TSC22D2: variants seen among roughly 807,000 people sequenced by gnomAD.
The protein encoded by TSC22D2 is TSC22 domain family protein 2.
Under a neutral mutation model 50.1 loss-of-function variants are expected in TSC22D2, and 5 were observed. The observed-to-expected ratio is 0.10, with a 90% CI of 0.05 to 0.21. The LOEUF is 0.21. TSC22D2 is among the 10% of genes least tolerant of loss of function. The probability of loss-of-function intolerance (pLI) is 1.00; values close to 1 mark genes in which losing one functional copy is unlikely to be tolerated. For synonymous variants in TSC22D2, 501 were observed against 450.1 expected, an observed-to-expected ratio of 1.11 and a Z score of -1.43; for missense variants, 1,003 against 1,015.5, an observed-to-expected ratio of 0.99 and a Z score of 0.17.
chr3:150,460,011 AAAAG>A lies in TSC22D2; in HGVS notation c.*1380_*1383del, dbSNP rs1371400838. ...ATGTACATTTCATAAATACAGTTTC[AAAAG>A]AAAGCATCATTTTGTGTATACTAAC... On this transcript the variant is annotated 3_prime_UTR_variant, in exon 3 of 3. Transcript: ENST00000688009. 1.3e-5 allele frequency: 2 copies of A among 152,168 alleles called. No individual in the cohort carries two copies. The highest frequency in any genetic ancestry group is 2.9e-5 in the Non-Finnish European group (2 of 68,016). The allele number at this position is 152,168 out of a possible 1,614,324, so 9.4% of individuals were successfully genotyped here. A position where few individuals can be genotyped will look rare whatever the true frequency, so the allele number is the denominator to read the frequency against.
In TSC22D2 at chr3:150,410,870, C is replaced by G; in HGVS notation, c.1520C>G (p.Pro507Arg). 1.2e-6 allele frequency: 2 copies of G among 1,613,890 alleles called. No individual in the cohort carries two copies. The highest frequency in any genetic ancestry group is 1.6e-4 in the Middle Eastern group (1 of 6,062). Residue 507 changes from proline (P) to arginine (R), a missense_variant, in exon 1 of 3, where the codon CCA becomes CGA. Coordinates refer to ENST00000688009, the MANE Select transcript of TSC22D2 (RefSeq NM_001303264.2). ...GGPHAVVPGV[P>R]NVPAAVPAPS... ...CCTCACGCCGTGGTGCCCGGAGTTC[C>G]AAACGTGCCTGCAGCCGTGCCCGCT...
In TSC22D2 at chr3:150,460,710, A is replaced by G. The variant is rs919397452; in HGVS notation, c.*2074A>G. ...CTTCACTGTTGGACTGTTAACCGAA[A>G]AGGTTTGCTGGCTGTGCCCCTCCAG... On this transcript the variant is annotated 3_prime_UTR_variant, in exon 3 of 3. Coordinates refer to ENST00000688009, the MANE Select transcript of TSC22D2 (RefSeq NM_001303264.2). 1.6e-5 allele frequency: 2 copies of G among 128,640 alleles called. No homozygotes were observed. The highest frequency in any genetic ancestry group is 7.4e-5 in the Admixed American group (1 of 13,594). The allele number at this position is 128,640 out of a possible 1,614,324, so 8.0% of individuals were successfully genotyped here.
At chr3:150,413,889 A>T (rs528102778) in intron 1 of TSC22D2, among the ~76,000 whole-genome samples, 58 of 27,608 alleles carry the variant, frequency 2.1e-3, no homozygotes, top group Middle Eastern at 0.019. Context: ...GCTTTTTTTA[A>T]AAAAAAATTA....
chr3:150,414,912 A>G (rs1719743568), intron 1 of TSC22D2, among the ~76,000 whole-genome samples: 1 of 150,314 alleles, frequency 6.7e-6, no homozygotes, highest in African/African-American at 2.5e-5. Context: ...TGTGAAGGTA[A>G]TTTTGCTCTT....
chr3:150,427,161 C>A (rs537831325), intron 1 of TSC22D2, among the ~76,000 whole-genome samples: 1 of 152,074 alleles, frequency 6.6e-6, no homozygotes, highest in Admixed American at 6.6e-5. Flanking sequence ...CTTAGCTGAT[C>A]TAGTTTTTGA....
intron 1 of TSC22D2, among the ~76,000 whole-genome samples, chr3:150,421,064 CAA>C (rs1207636008): frequency 5.3e-5 from 8 of 152,298 alleles, no homozygotes; most frequent in South Asian, 2.1e-4. Flanking sequence ...GCCTGAGCGA[CAA>C]GAGTGAAACT....
chr3:150,452,197 G>A (rs1361663492), intron 1 of TSC22D2, among the ~76,000 whole-genome samples: 1 of 152,172 alleles, frequency 6.6e-6, no homozygotes, highest in African/African-American at 2.4e-5. Flanking sequence ...TGTAATCCCA[G>A]CACTTTGGGA....
At chr3:150,441,864 A>G (rs1720727508) in intron 1 of TSC22D2, among the ~76,000 whole-genome samples, 1 of 152,174 alleles carries the variant, frequency 6.6e-6, no homozygotes, top group African/African-American at 2.4e-5. Context: ...TTTATGCTAT[A>G]GGAAGTCACC....
intron 1 of TSC22D2, among the ~76,000 whole-genome samples, chr3:150,425,440 T>C (rs925955851): frequency 3.3e-5 from 5 of 152,138 alleles, no homozygotes; most frequent in Non-Finnish European, 5.9e-5. Flanking sequence ...TGCTTAAACC[T>C]GGGAAGCGGA....
chr3:150,454,856 AAG>A (rs1721140042), intron 1 of TSC22D2, among the ~76,000 whole-genome samples: 1 of 152,192 alleles, frequency 6.6e-6, no homozygotes, highest in African/African-American at 2.4e-5. Flanking sequence ...GTTGTCATAA[AAG>A]AGATCTTAGG....
chr3:150,441,563 C>T (rs1482570321), intron 1 of TSC22D2, among the ~76,000 whole-genome samples: 1 of 151,990 alleles, frequency 6.6e-6, no homozygotes, highest in East Asian at 1.9e-4. Flanking sequence ...AGTTCAAGAC[C>T]AGCCTGGACA....
At chr3:150,425,959 C>T (rs950071987) in intron 1 of TSC22D2, among the ~76,000 whole-genome samples, 2 of 152,186 alleles carry the variant, frequency 1.3e-5, no homozygotes, top group Non-Finnish European at 2.9e-5. Flanking sequence ...GATATTTCTC[C>T]TTCCATTTAT....
intron 1 of TSC22D2, among the ~76,000 whole-genome samples, chr3:150,424,473 A>G (rs2278806): frequency 0.053 from 8,056 of 152,224 alleles, 272 homozygotes; most frequent in East Asian, 0.089. Flanking sequence ...AATGATATAT[A>G]TTATTTTTAT....
intron 1 of TSC22D2, among the ~76,000 whole-genome samples, chr3:150,447,071 T>TA (rs1381284942): frequency 3.9e-5 from 6 of 152,154 alleles, no homozygotes; most frequent in Admixed American, 3.3e-4. Flanking sequence ...GGTATATACA[T>TA]ATACCAAAGG....
chr3:150,452,483 T>C (rs374443564), intron 1 of TSC22D2, among the ~76,000 whole-genome samples: 1 of 152,112 alleles, frequency 6.6e-6, no homozygotes, highest in East Asian at 1.9e-4. Flanking sequence ...TTAGATTACC[T>C]TTTTCTTTAG....
intron 1 of TSC22D2, among the ~76,000 whole-genome samples, chr3:150,414,729 C>CT (rs1719735267): frequency 6.6e-6 from 1 of 151,728 alleles, no homozygotes; most frequent in South Asian, 2.1e-4. Context: ...AATTCTGCTG[C>CT]TTTTTTTACT....
chr3:150,416,292 A>G (rs1202670371), intron 1 of TSC22D2, among the ~76,000 whole-genome samples: 1 of 152,172 alleles, frequency 6.6e-6, no homozygotes, highest in East Asian at 1.9e-4. Flanking sequence ...TTAAATACTT[A>G]AAGTATGAGG....
intron 1 of TSC22D2, among the ~76,000 whole-genome samples, chr3:150,428,793 C>T (rs970912515): frequency 6.6e-6 from 1 of 152,150 alleles, no homozygotes; most frequent in Non-Finnish European, 1.5e-5. Flanking sequence ...TCTTTATACT[C>T]TATTTGCATA....
intron 1 of TSC22D2, among the ~76,000 whole-genome samples, chr3:150,417,617 T>G (rs767784125): frequency 4.6e-5 from 7 of 152,122 alleles, no homozygotes; most frequent in Non-Finnish European, 8.8e-5. Flanking sequence ...ATGGGGATTG[T>G]ACCTACCTGG....
Sources: allele counts gnomAD v4.1 joint callset (sites outside exome capture counted in the v4.1 genomes callset), GRCh38; gene constraint gnomAD v4.1.1; transcripts MANE v1.5; gene names NCBI Gene and HGNC (gene_info 2026-07-23, HGNC 2026-07-21).